ZBTB20: variants seen among roughly 807,000 people sequenced by gnomAD.
The protein encoded by ZBTB20 is zinc finger and BTB domain-containing protein 20.
A neutral mutation model predicts 56.9 loss-of-function variants in ZBTB20; 9 were observed. The observed-to-expected ratio is 0.16, with a 90% CI of 0.10 to 0.28. The LOEUF is 0.28. ZBTB20 is among the 10% of genes least tolerant of loss of function. The probability of loss-of-function intolerance (pLI) is 1.00; values close to 1 mark genes in which losing one functional copy is unlikely to be tolerated. For synonymous variants in ZBTB20, 417 were observed against 420.7 expected (o/e 0.99, Z 0.11); for missense variants, 655 against 1,003.0 (o/e 0.65, Z 4.69).
intron 11 of ZBTB20, among the ~76,000 whole-genome samples, chr3:114,342,856 C>A (rs765556906): frequency 6.6e-6 from 1 of 152,012 alleles, no homozygotes; most frequent in Non-Finnish European, 1.5e-5. Context: ...TTAAAGGTAT[C>A]GTCTACTCTC....
At chr3:114,895,563 G>A (rs2074841341) in intron 4 of ZBTB20, among the ~76,000 whole-genome samples, 1 of 152,102 alleles carries the variant, frequency 6.6e-6, no homozygotes, top group Admixed American at 6.6e-5. Context: ...GTCTAATTAT[G>A]TTGAACTGAG....
intron 6 of ZBTB20, among the ~76,000 whole-genome samples, chr3:114,527,959 A>T (rs2047421246): frequency 6.6e-6 from 1 of 151,024 alleles, no homozygotes; most frequent in East Asian, 1.9e-4. Context: ...TGGACCAATT[A>T]TTCTGAAGAT....
chr3:114,584,898 C>T (rs781371280), intron 6 of ZBTB20, among the ~76,000 whole-genome samples: 1 of 152,096 alleles, frequency 6.6e-6, no homozygotes, highest in African/African-American at 2.4e-5. Flanking sequence ...AGAAAGAATA[C>T]AAGGCAGCTG....
At chr3:114,752,468 C>T (rs1355285838) in intron 5 of ZBTB20, among the ~76,000 whole-genome samples, 1 of 152,118 alleles carries the variant, frequency 6.6e-6, no homozygotes, top group African/African-American at 2.4e-5. Flanking sequence ...AGCCAGTTGG[C>T]ATAACCTTAG....
At chr3:114,482,764 G>T (rs898010955) in intron 7 of ZBTB20, among the ~76,000 whole-genome samples, 4 of 152,120 alleles carry the variant, frequency 2.6e-5, no homozygotes, top group African/African-American at 9.7e-5. Context: ...GAAAGTTATA[G>T]ACCAAGGTCT....
At chr3:114,744,177 T>G (rs575216036) in intron 5 of ZBTB20, among the ~76,000 whole-genome samples, 24 of 152,302 alleles carry the variant, frequency 1.6e-4, no homozygotes, top group Non-Finnish European at 3.1e-4. Context: ...CAGATTGACT[T>G]CTATACTTCT....
chr3:114,676,804 G>T (rs1191388350), intron 6 of ZBTB20, among the ~76,000 whole-genome samples: 3 of 137,548 alleles, frequency 2.2e-5, no homozygotes, highest in Non-Finnish European at 4.6e-5. Context: ...GAGATGGAGT[G>T]TCACTCTGTC....
chr3:114,803,973 T>G lies in ZBTB20; in HGVS notation c.-416-2799A>C, dbSNP rs539253831. On this transcript the variant is annotated intron_variant, in intron 4 of 11. Transcript: ENST00000675478. The stretch of plus-strand genomic sequence containing the variant: ...GACCACCAGTGTCAGACTTCTTTAA[T>G]TGGAAGAAAACTATGTAAGGCTTTA... Among the ~76,000 whole-genome samples the G allele has an allele frequency of 5.3e-5, 8 of 152,026 alleles. No homozygotes were observed. The East Asian group carries it at 1.5e-3, about 29-fold the overall frequency.
intron 4 of ZBTB20, among the ~76,000 whole-genome samples, chr3:114,893,175 C>T (rs1278835295): frequency 6.6e-6 from 1 of 152,128 alleles, no homozygotes; most frequent in East Asian, 1.9e-4. Flanking sequence ...GCCACCAGAA[C>T]TCAGCTCATG....
At chr3:114,500,710 A>G (rs2043847308) in intron 6 of ZBTB20, among the ~76,000 whole-genome samples, 1 of 152,208 alleles carries the variant, frequency 6.6e-6, no homozygotes, top group South Asian at 2.1e-4. Context: ...CTATGTTACC[A>G]TTTAACAAAA....
intron 1 of ZBTB20, among the ~76,000 whole-genome samples, chr3:115,129,581 T>A (rs2084441583): frequency 8.5e-5 from 13 of 152,256 alleles, no homozygotes; most frequent in Admixed American, 8.5e-4. Context: ...CTAGAGTCAC[T>A]TTTAAGTACA....
At chr3:114,513,279 A>G (rs2109831263) in intron 6 of ZBTB20, among the ~76,000 whole-genome samples, 1 of 152,328 alleles carries the variant, frequency 6.6e-6, no homozygotes, top group South Asian at 2.1e-4. Context: ...TCTTGCATCA[A>G]CAGACGTGAA....
intron 5 of ZBTB20, among the ~76,000 whole-genome samples, chr3:114,757,541 C>G (rs1213584353): frequency 6.6e-6 from 1 of 151,990 alleles, no homozygotes; most frequent in Non-Finnish European, 1.5e-5. Flanking sequence ...TTTAAATGCC[C>G]CCTTTGCTAT....
chr3:114,425,813 A>C (rs1285917835), intron 7 of ZBTB20, among the ~76,000 whole-genome samples: 2 of 152,220 alleles, frequency 1.3e-5, no homozygotes, highest in Non-Finnish European at 2.9e-5. Context: ...AATAAAAAGC[A>C]TTCTCTCTTT....
At chr3:114,544,433 CTTTCTTTCTT>C (rs2049530171) in intron 6 of ZBTB20, among the ~76,000 whole-genome samples, 1 of 92,224 alleles carries the variant, frequency 1.1e-5, no homozygotes, top group Admixed American at 1.1e-4. Flanking sequence ...TTCTTTCTTT[CTTTCTTTCTT>C]TCTTTCTTTC....
intron 10 of ZBTB20, among the ~76,000 whole-genome samples, chr3:114,379,357 T>C (rs2084036808): frequency 6.6e-6 from 1 of 152,246 alleles, no homozygotes; most frequent in African/African-American, 2.4e-5. Flanking sequence ...GAATATTCTT[T>C]TGGATTCGAC....
At chr3:114,573,794 T>A (rs529587454) in intron 6 of ZBTB20, among the ~76,000 whole-genome samples, 1 of 152,262 alleles carries the variant, frequency 6.6e-6, no homozygotes, top group South Asian at 2.1e-4. Flanking sequence ...TTTTCTAAGT[T>A]GAATTATTAC....
chr3:114,727,343 G>A (rs1362703267), intron 5 of ZBTB20, among the ~76,000 whole-genome samples: 1 of 152,192 alleles, frequency 6.6e-6, no homozygotes, highest in Non-Finnish European at 1.5e-5. Context: ...TGAACATTTT[G>A]TACTTGGGCT....
At chr3:114,611,719 T>C (rs1274913081) in intron 6 of ZBTB20, among the ~76,000 whole-genome samples, 16 of 152,214 alleles carry the variant, frequency 1.1e-4, no homozygotes, top group Admixed American at 1.0e-3. Flanking sequence ...CAGTCATGAG[T>C]GTATTTGAGT....
Sources: allele counts gnomAD v4.1 joint callset (sites outside exome capture counted in the v4.1 genomes callset), GRCh38; gene constraint gnomAD v4.1.1; transcripts MANE v1.5; gene names NCBI Gene and HGNC (gene_info 2026-07-23, HGNC 2026-07-21).